Variants in ZMYND8 observed in about 807,000 individuals in gnomAD.
ZMYND8 encodes MYND-type zinc finger-containing chromatin reader ZMYND8.
In ZMYND8, 37 loss-of-function variants were observed where a neutral mutation model predicts 140.8. The observed-to-expected ratio is 0.26, with a 90% CI of 0.20 to 0.35. The LOEUF (loss-of-function observed/expected upper bound fraction) is 0.35, where lower values mean the gene tolerates loss of function less well. Ranked by LOEUF, ZMYND8 falls within the 10% of genes least tolerant of loss-of-function variation. The probability of loss-of-function intolerance (pLI) is 1.00; values close to 1 mark genes in which losing one functional copy is unlikely to be tolerated. For missense variants in ZMYND8, 1,068 were observed against 1,570.0 expected (o/e 0.68, Z 5.40); for synonymous variants, 592 against 597.1 (o/e 0.99, Z 0.12).
intron 17 of ZMYND8, among the ~76,000 whole-genome samples, chr20:47,228,188 T>A (rs1442374713): frequency 1.3e-5 from 2 of 152,160 alleles, no homozygotes; most frequent in East Asian, 3.8e-4. Context: ...TACTCTCCCC[T>A]GTCATGAGAA....
At chr20:47,275,543 G>C (rs372391884) in intron 11 of ZMYND8, among the ~76,000 whole-genome samples, 7 of 150,794 alleles carry the variant, frequency 4.6e-5, no homozygotes, top group South Asian at 2.1e-4. Context: ...TGACCTTTAA[G>C]GGAATGGGAT....
chr20:47,328,812 C>A (rs2080687991), intron 2 of ZMYND8, among the ~76,000 whole-genome samples: 1 of 152,174 alleles, frequency 6.6e-6, no homozygotes, highest in South Asian at 2.1e-4. Context: ...ATTTAATGGG[C>A]AACTACCATG....
intron 2 of ZMYND8, among the ~76,000 whole-genome samples, chr20:47,310,527 G>T (rs2078842299): frequency 6.6e-6 from 1 of 152,070 alleles, no homozygotes; most frequent in Non-Finnish European, 1.5e-5. Context: ...GCCAGGCACG[G>T]TGGCTCATGC....
chr20:47,332,051 A>C (rs1372124608), intron 2 of ZMYND8, among the ~76,000 whole-genome samples: 2 of 151,766 alleles, frequency 1.3e-5, no homozygotes, highest in Non-Finnish European at 1.5e-5. Context: ...AAAATACAAA[A>C]AGTGTAAAAA....
intron 12 of ZMYND8, among the ~76,000 whole-genome samples, chr20:47,256,097 G>T (rs1004269238): frequency 2.0e-5 from 3 of 151,088 alleles, no homozygotes; most frequent in South Asian, 4.2e-4. Context: ...ACAGATTTTT[G>T]TTCTAAAGCT....
intron 6 of ZMYND8, 135 bp from the exon 7 acceptor site, chr20:47,290,409 T>C (rs1055684183): frequency 1.5e-6 from 1 of 675,588 alleles, no homozygotes; most frequent in Non-Finnish European, 2.4e-6. Flanking sequence ...TTTCCCAAGA[T>C]GCTTCTTTTT....
intron 6 of ZMYND8, among the ~76,000 whole-genome samples, chr20:47,290,670 C>A (rs2077206173): frequency 7.2e-6 from 1 of 139,352 alleles, no homozygotes; most frequent in East Asian, 2.1e-4. Flanking sequence ...CGGCTCACTG[C>A]AACCTCCACC....
At chr20:47,270,392 A>AAAT (rs2075840742) in intron 11 of ZMYND8, among the ~76,000 whole-genome samples, 2 of 25,972 alleles carry the variant, frequency 7.7e-5, no homozygotes, top group African/African-American at 2.3e-4. Context: ...AAAAAAAAAA[A>AAAT]GTTTTTTTAA....
intron 2 of ZMYND8, among the ~76,000 whole-genome samples, chr20:47,313,371 C>G (rs938173336): frequency 6.6e-6 from 1 of 151,784 alleles, no homozygotes; most frequent in African/African-American, 2.4e-5. Flanking sequence ...GCCTGTAATC[C>G]CAGCACTTTG....
At chr20:47,232,368 AAAATAAATAAATAAAT>A (rs3084712) in intron 16 of ZMYND8, among the ~76,000 whole-genome samples, 2 of 149,068 alleles carry the variant, frequency 1.3e-5, no homozygotes, top group African/African-American at 5.1e-5. Context: ...CCTTGTCTCA[AAAATAAATAAATAAAT>A]AAATAAATAA....
At position 47,224,369 on chromosome 20, in the gene ZMYND8, G is replaced by T; in HGVS notation, c.3204C>A (p.Tyr1068Ter). 1 of 1,614,270 alleles carries T rather than the reference G, an allele frequency of 6.2e-7. No homozygotes were observed. Residue 1068 changes from tyrosine to a stop codon, truncating the protein, a stop_gained, in exon 19 of 23, where the codon TAC (tyrosine) becomes TAA (stop). Transcript: ENST00000471951. LOFTEE classifies it high-confidence loss of function. ...YCCWNTSYCDYPCQQAHWPEH... is the reference protein window; with the variant it reads ...YCCWNTSYCD Reference sequence around the variant, plus strand: ...CAGGCCAGTGGGCTTGCTGGCAGGGGTAGTCACAGTAGCTGGTGTTCCAAC... The same window carrying T: ...CAGGCCAGTGGGCTTGCTGGCAGGGTTAGTCACAGTAGCTGGTGTTCCAAC...
At chr20:47,273,238 A>G (rs779115141) in intron 11 of ZMYND8, among the ~76,000 whole-genome samples, 3 of 152,190 alleles carry the variant, frequency 2.0e-5, no homozygotes, top group East Asian at 1.9e-4. Context: ...GTTGGGGGGA[A>G]AAGAATTAAT....
At chr20:47,289,024 C>T (rs1480173709) in intron 7 of ZMYND8, among the ~76,000 whole-genome samples, 1 of 152,126 alleles carries the variant, frequency 6.6e-6, no homozygotes, top group Non-Finnish European at 1.5e-5. Context: ...ATCGCTTCAA[C>T]CCAGGAGGCA....
At chr20:47,261,626 GAAGAA>G (rs1318587626) in intron 12 of ZMYND8, among the ~76,000 whole-genome samples, 1 of 152,056 alleles carries the variant, frequency 6.6e-6, no homozygotes, top group African/African-American at 2.4e-5. Context: ...GTAAGAATTA[GAAGAA>G]GAGAATTAAG....
At chr20:47,314,638 C>A (rs1208881872) in intron 2 of ZMYND8, among the ~76,000 whole-genome samples, 2 of 152,210 alleles carry the variant, frequency 1.3e-5, no homozygotes, top group African/African-American at 4.8e-5. Context: ...GTTTGAGGAA[C>A]GCTAGGGTAT....
chr20:47,322,059 C>G (rs113355916), intron 2 of ZMYND8, among the ~76,000 whole-genome samples: 1 of 151,904 alleles, frequency 6.6e-6, no homozygotes. Flanking sequence ...AGGGGTCTCG[C>G]CATGTTGCCC....
chr20:47,339,021 G>A (rs1316886095), intron 2 of ZMYND8, among the ~76,000 whole-genome samples: 4 of 147,730 alleles, frequency 2.7e-5, no homozygotes, highest in African/African-American at 7.5e-5. Context: ...CACCCAGGCT[G>A]GAGTGCAGTG....
chr20:47,297,182 A>G (rs913963840), intron 4 of ZMYND8, among the ~76,000 whole-genome samples: 2 of 152,192 alleles, frequency 1.3e-5, no homozygotes, highest in African/African-American at 2.4e-5. Flanking sequence ...AGAGTAACCC[A>G]AAGAGAACGG....
chr20:47,268,379 C>G (rs1226140097), intron 11 of ZMYND8, among the ~76,000 whole-genome samples: 1 of 150,708 alleles, frequency 6.6e-6, no homozygotes, highest in South Asian at 2.1e-4. Context: ...CTGCAGGCTC[C>G]GCCTCCCGGG....
Sources: gnomAD v4.1 joint callset for allele counts (sites outside exome capture counted in the v4.1 genomes callset) on GRCh38, gnomAD v4.1.1 for gene constraint, MANE v1.5 for transcripts, NCBI Gene and HGNC (gene_info 2026-07-23, HGNC 2026-07-21) for gene names.